The following CDK14 variants were observed in gnomAD, a reference collection of about 807,000 sequenced individuals.
CDK14 encodes the protein cyclin-dependent kinase 14.
CDK14 carries 34 observed loss-of-function variants against 60.7 expected under a neutral mutation model. The observed-to-expected ratio is 0.56, with a 90% CI of 0.43 to 0.75. The LOEUF (loss-of-function observed/expected upper bound fraction) is 0.75. Ranked by LOEUF, CDK14 falls within the 30% of genes least tolerant of loss-of-function variation. CDK14 has a pLI of 0.00. For synonymous variants in CDK14, 197 were observed against 203.7 expected (o/e 0.97, Z 0.28); for missense variants, 482 against 564.1 (o/e 0.85, Z 1.47).
At chr7:91,205,534 A>G (rs529197064) in intron 14 of CDK14, among the ~76,000 whole-genome samples, 10 of 152,324 alleles carry the variant, frequency 6.6e-5, no homozygotes, top group African/African-American at 2.2e-4. Context: ...GGGCTGGGAC[A>G]AGGAGAGAAT....
chr7:90,898,243 C>T (rs1299276076), intron 6 of CDK14, among the ~76,000 whole-genome samples: 1 of 152,004 alleles, frequency 6.6e-6, no homozygotes, highest in African/African-American at 2.4e-5. Flanking sequence ...GTTTCATTTA[C>T]TCCTGTGTTC....
rs566001710 is a variant in CDK14 at position 90,609,434 on chromosome 7, G to T, written c.123+5185G>T. ...CCTGGTGGGAGGTGATTGGATTGTG[G>T]GGGTGGATCCTTCTTGAATGATTTA... On this transcript the variant is annotated intron_variant, in intron 2 of 14. Transcript: ENST00000380050. Among the ~76,000 whole-genome samples, 7 of 152,216 alleles carry T rather than the reference G, an allele frequency of 4.6e-5. No homozygotes were observed. In the East Asian group the frequency reaches 1.2e-3, roughly 25 times the overall value.
At chr7:91,181,527 T>G (rs1374137685) in intron 14 of CDK14, among the ~76,000 whole-genome samples, 1 of 152,218 alleles carries the variant, frequency 6.6e-6, no homozygotes, top group Non-Finnish European at 1.5e-5. Flanking sequence ...ATATTCTGTC[T>G]AATTCTATCA....
At chr7:90,959,478 G>T (rs564847797) in intron 9 of CDK14, among the ~76,000 whole-genome samples, 1 of 152,188 alleles carries the variant, frequency 6.6e-6, no homozygotes, top group African/African-American at 2.4e-5. Context: ...ACTAGAAATG[G>T]GACTATAATT....
chr7:90,706,280 C>T (rs1188436455), intron 2 of CDK14, among the ~76,000 whole-genome samples: 1 of 152,168 alleles, frequency 6.6e-6, no homozygotes, highest in African/African-American at 2.4e-5. Context: ...GCTCTCTTTA[C>T]TTCTGCTTTA....
chr7:90,610,190 A>G (rs1356995450), intron 2 of CDK14, among the ~76,000 whole-genome samples: 2 of 150,752 alleles, frequency 1.3e-5, no homozygotes, highest in Non-Finnish European at 3.0e-5. Flanking sequence ...AGGGAACATC[A>G]CTCTCTTGCT....
At position 90,969,223 on chromosome 7, in the gene CDK14, A is replaced by C. The variant is rs929592866; in HGVS notation, c.947+13406A>C. ...GTCAAATATTTTACTGTAAAATATCAATCATCCAGTCATATATCTTAGTAG... is the reference window on the plus strand; with the variant it reads ...GTCAAATATTTTACTGTAAAATATCCATCATCCAGTCATATATCTTAGTAG... On this transcript the variant is annotated intron_variant, in intron 9 of 14. Transcript: ENST00000380050. 3.9e-5 allele frequency among the ~76,000 whole-genome samples: 6 copies of C among 152,188 alleles called. No homozygotes were observed. In the East Asian group the frequency reaches 9.6e-4, roughly 24 times the overall value.
chr7:90,659,957 G>A (rs931845723), intron 2 of CDK14, among the ~76,000 whole-genome samples: 8 of 151,498 alleles, frequency 5.3e-5, no homozygotes, highest in African/African-American at 1.7e-4. Flanking sequence ...GTAAAAGCAC[G>A]ACCTTATTAA....
At chr7:91,077,390 A>G (rs34766010) in intron 11 of CDK14, among the ~76,000 whole-genome samples, 1 of 152,030 alleles carries the variant, frequency 6.6e-6, no homozygotes, top group African/African-American at 2.4e-5. Context: ...TCAAACTAAC[A>G]CATAAACAGA....
chr7:91,061,400 C>T (rs1032709794), intron 11 of CDK14, among the ~76,000 whole-genome samples: 1 of 152,216 alleles, frequency 6.6e-6, no homozygotes, highest in East Asian at 1.9e-4. Flanking sequence ...TCTCTCAATT[C>T]GTCAAAGTCA....
At chr7:90,628,887 G>A (rs552680449) in intron 2 of CDK14, among the ~76,000 whole-genome samples, 2 of 151,966 alleles carry the variant, frequency 1.3e-5, no homozygotes, top group Admixed American at 6.6e-5. Flanking sequence ...CTGATTTGAT[G>A]CAGTAGGTCT....
At chr7:90,649,272 CTT>C (rs1563029682) in intron 2 of CDK14, among the ~76,000 whole-genome samples, 1 of 47,530 alleles carries the variant, frequency 2.1e-5, no homozygotes, top group Non-Finnish European at 3.9e-5. Context: ...TTCTTTCTTT[CTT>C]TCTTTCTTTC....
intron 4 of CDK14, among the ~76,000 whole-genome samples, chr7:90,765,676 G>C (rs1333221634): frequency 1.3e-5 from 2 of 151,548 alleles, no homozygotes; most frequent in Non-Finnish European, 2.9e-5. Flanking sequence ...AGAGAGAATG[G>C]GGGATGAAAA....
intron 6 of CDK14, among the ~76,000 whole-genome samples, chr7:90,871,267 TA>T (rs1005022916): frequency 4.2e-4 from 64 of 152,236 alleles, no homozygotes; most frequent in African/African-American, 1.3e-3. Context: ...TGGGGATAAG[TA>T]AAACGGTATA....
intron 3 of CDK14, among the ~76,000 whole-genome samples, chr7:90,743,365 A>C (rs994290547): frequency 1.3e-5 from 2 of 152,174 alleles, no homozygotes; most frequent in Non-Finnish European, 2.9e-5. Context: ...TTTCTAATTT[A>C]ATTGCATTGT....
At chr7:91,055,835 G>T (rs1797533078) in intron 11 of CDK14, among the ~76,000 whole-genome samples, 1 of 152,172 alleles carries the variant, frequency 6.6e-6, no homozygotes, top group African/African-American at 2.4e-5. Context: ...GATACTGAAA[G>T]AACTGTCATC....
intron 9 of CDK14, among the ~76,000 whole-genome samples, chr7:90,959,382 G>A (rs980720625): frequency 1.3e-5 from 2 of 152,112 alleles, no homozygotes; most frequent in Non-Finnish European, 2.9e-5. Context: ...TATCCTATAA[G>A]TCAAATAAAA....
chr7:90,624,874 C>A (rs1315235920), intron 2 of CDK14, among the ~76,000 whole-genome samples: 2 of 152,122 alleles, frequency 1.3e-5, no homozygotes, highest in African/African-American at 4.8e-5. Context: ...TGTCATAAAC[C>A]TGTAGTCAGT....
chr7:90,829,020 G>A (rs1789819066), intron 5 of CDK14, among the ~76,000 whole-genome samples: 1 of 152,094 alleles, frequency 6.6e-6, no homozygotes, highest in Non-Finnish European at 1.5e-5. Context: ...GGGAAGCAAG[G>A]CACATCTTAC....
Sources: gnomAD v4.1 joint callset for allele counts (sites outside exome capture counted in the v4.1 genomes callset) on GRCh38, gnomAD v4.1.1 for gene constraint, MANE v1.5 for transcripts, NCBI Gene and HGNC (gene_info 2026-07-23, HGNC 2026-07-21) for gene names.